Variants in SLC48A1 observed in about 807,000 individuals in gnomAD.
The protein encoded by SLC48A1 is solute carrier family 48 member 1, also known as heme transporter HRG1.
In SLC48A1, 6 loss-of-function variants were observed where a neutral mutation model predicts 14.8. The ratio of observed to expected loss-of-function variants is 0.41; its 90% confidence interval spans 0.22 to 0.80. SLC48A1 has a LOEUF of 0.80. Ranked by LOEUF, SLC48A1 falls within the 30% of genes least tolerant of loss-of-function variation. The pLI, the probability that SLC48A1 is intolerant of heterozygous loss-of-function variation, is 0.34. For synonymous variants in SLC48A1, 89 were observed against 90.0 expected (o/e 0.99, Z 0.06); for missense variants, 165 against 204.8 (o/e 0.81, Z 1.19).
Position 47,779,170 on chromosome 12 carries a change from C to T in SLC48A1, c.279C>T (p.Leu93=), listed in dbSNP as rs779627670. 3.2e-6 allele frequency: 5 copies of T among 1,551,786 alleles called. No individual in the cohort carries two copies. The highest frequency in any genetic ancestry group is 1.2e-5 in the South Asian group (1 of 84,058). Residue 93 remains leucine, a synonymous_variant, in exon 2 of 3, where the codon CTC becomes CTT. Coordinates refer to ENST00000442218, the MANE Select transcript of SLC48A1 (RefSeq NM_017842.3). ...CCATCGCTGCCTTCTGCACCTTCCT[C>T]GTGCTGGCCATCACCCGGCATCAGA... The part of the protein sequence containing the change: ...AVSIAAFCTF[L]VLAITRHQSL...
chr12:47,758,619 C>T, exon 1 of SLC48A1: 1 of 1,608,506 alleles, frequency 6.2e-7, no homozygotes, highest in Non-Finnish European at 8.5e-7. Context: ...TCCCCAGCGA[C>T]CCCCATCAGC....
upstream of SLC48A1, chr12:47,770,991 C>T (rs1168928471): frequency 4.4e-6 from 2 of 452,596 alleles, no homozygotes; most frequent in Admixed American, 2.4e-5. Context: ...GGGGCTTGCT[C>T]CCTCCTCCAC....
upstream of SLC48A1, chr12:47,758,088 G>C (rs1356347468): frequency 6.4e-7 from 1 of 1,555,874 alleles, no homozygotes; most frequent in Non-Finnish European, 8.7e-7. Flanking sequence ...CCTGTGACAC[G>C]GGGAGGAAAG....
upstream of SLC48A1, chr12:47,757,752 C>A: frequency 9.7e-7 from 1 of 1,028,846 alleles, no homozygotes; most frequent in Non-Finnish European, 1.4e-6. Flanking sequence ...GGCAGCTGTA[C>A]CACTGTACAC....
chr12:47,758,218 T>TG (rs1184786856), upstream of SLC48A1: 3 of 1,437,590 alleles, frequency 2.1e-6, no homozygotes, highest in East Asian at 2.5e-5. Flanking sequence ...TGCCAGGAGC[T>TG]GGGGGGAGGA....
In SLC48A1 at chr12:47,779,122, G is replaced by A; in HGVS notation, c.231G>A (p.Val77=). 6.4e-7 allele frequency: 1 copy of A among 1,551,834 alleles called. No individual in the cohort carries two copies. Among genetic ancestry groups the A allele is most frequent in the South Asian group, 1.2e-5 (1 of 84,050 alleles). The change falls in exon 2 of 3, where the codon GTG becomes GTA. Residue 77 remains valine (V), a synonymous_variant. Coordinates refer to ENST00000442218, the MANE Select transcript of SLC48A1 (RefSeq NM_017842.3). ...AGGGGCTGCGCGGCTTCTTCTTCGT[G>A]GGCGTCCTCTTCTCGGCCGTCTCCA... ...WLKGLRGFFF[V]GVLFSAVSIA... is the part of the protein sequence containing the mutation.
chr12:47,756,407 C>G (rs927138912), upstream of SLC48A1: 1 of 152,222 alleles, frequency 6.6e-6, no homozygotes, highest in Admixed American at 6.5e-5. Flanking sequence ...GCAATAGCTA[C>G]AGCCAGTGAC....
upstream of SLC48A1, chr12:47,773,182 CG>C (rs1160952262): frequency 8.1e-6 from 8 of 989,466 alleles, no homozygotes; most frequent in Non-Finnish European, 9.6e-6. Flanking sequence ...GGGGGCGGGC[CG>C]GGGGCGGAGC....
upstream of SLC48A1, among the ~76,000 whole-genome samples, chr12:47,770,652 A>T (rs1350057222): frequency 1.3e-5 from 2 of 152,198 alleles, no homozygotes; most frequent in Non-Finnish European, 2.9e-5. Flanking sequence ...CTCTGCTTCT[A>T]GTGTTTCACA....
chr12:47,776,764 A>G (rs1942763640), intron 1 of SLC48A1, among the ~76,000 whole-genome samples: 2 of 152,296 alleles, frequency 1.3e-5, no homozygotes, highest in African/African-American at 4.8e-5. Flanking sequence ...GTGCATGTAC[A>G]TGGGGGTGGG....
At chr12:47,760,078 A>C in intron 1 of SLC48A1, 1 of 412,822 alleles carries the variant, frequency 2.4e-6, no homozygotes, top group Non-Finnish European at 3.2e-6. Context: ...AATTGTGATT[A>C]AAATCCCATT....
At chr12:47,756,697 G>A (rs569132787), upstream of SLC48A1, among the ~76,000 whole-genome samples, 1 of 152,314 alleles carries the variant, frequency 6.6e-6, no homozygotes, top group African/African-American at 2.4e-5. Context: ...TCGGCTAGGC[G>A]CAATGGCTCA....
chr12:47,765,551 C>G (rs1942499492), intron 2 of SLC48A1, among the ~76,000 whole-genome samples: 1 of 152,260 alleles, frequency 6.6e-6, no homozygotes, highest in Non-Finnish European at 1.5e-5. Flanking sequence ...CTCCTGGGGC[C>G]TCAGCTGAGG....
upstream of SLC48A1, chr12:47,756,088 C>G (rs1942035394): frequency 3.3e-5 from 5 of 152,190 alleles, no homozygotes. Context: ...CACGGAAAGG[C>G]CTTGTTTTGG....
upstream of SLC48A1, chr12:47,758,137 A>G (rs1434491188): frequency 4.5e-5 from 68 of 1,520,688 alleles, no homozygotes; most frequent in Non-Finnish European, 5.9e-5. Context: ...GCTGGGCCAC[A>G]GTACAACTGC....
intron 2 of SLC48A1, among the ~76,000 whole-genome samples, chr12:47,763,460 G>A (rs976079433): frequency 6.6e-6 from 1 of 152,166 alleles, no homozygotes; most frequent in Non-Finnish European, 1.5e-5. Context: ...AATACCCCTA[G>A]GAGTCGACCT....
intron 2 of SLC48A1, among the ~76,000 whole-genome samples, chr12:47,761,576 C>T (rs1942382351): frequency 6.6e-6 from 1 of 152,204 alleles, no homozygotes; most frequent in African/African-American, 2.4e-5. Context: ...GGGGACCCGA[C>T]AGTAGAATTA....
chr12:47,765,676 G>A (rs532482178), intron 2 of SLC48A1, among the ~76,000 whole-genome samples: 3 of 152,278 alleles, frequency 2.0e-5, no homozygotes, highest in Middle Eastern at 3.4e-3. Flanking sequence ...TCCCCTGCAG[G>A]GCATCATTTC....
chr12:47,765,796 T>C (rs1369004170), intron 2 of SLC48A1, among the ~76,000 whole-genome samples: 2 of 152,252 alleles, frequency 1.3e-5, no homozygotes, highest in African/African-American at 4.8e-5. Context: ...GCTGCTCTGC[T>C]GTACTCAAAA....
Sources: gnomAD v4.1 joint callset for allele counts (sites outside exome capture counted in the v4.1 genomes callset) on GRCh38, gnomAD v4.1.1 for gene constraint, MANE v1.5 for transcripts, NCBI Gene and HGNC (gene_info 2026-07-23, HGNC 2026-07-21) for gene names.